MPRIP: variants seen among roughly 807,000 people sequenced by gnomAD.
MPRIP encodes myosin phosphatase Rho-interacting protein.
In MPRIP, 59 loss-of-function variants were observed where a neutral mutation model predicts 234.9. The ratio of observed to expected loss-of-function variants is 0.25; its 90% CI spans 0.20 to 0.31. The LOEUF (loss-of-function observed/expected upper bound fraction) is 0.31. MPRIP is among the 10% of genes least tolerant of loss of function. The probability of loss-of-function intolerance (pLI) is 1.00; values close to 1 mark genes in which losing one functional copy is unlikely to be tolerated. For missense variants in MPRIP, 2,436 were observed against 3,071.0 expected, an observed-to-expected ratio of 0.79 and a Z score of 4.89; for synonymous variants, 1,144 against 1,263.9, an observed-to-expected ratio of 0.91 and a Z score of 2.01.
intron 3 of MPRIP, among the ~76,000 whole-genome samples, chr17:17,125,337 C>T (rs112009164): frequency 2.0e-5 from 3 of 152,236 alleles, no homozygotes; most frequent in African/African-American, 7.2e-5. Context: ...GTGCCACCTC[C>T]CTTCTGAGCT....
intron 1 of MPRIP, among the ~76,000 whole-genome samples, chr17:17,049,905 G>A (rs1294125912): frequency 6.6e-6 from 1 of 152,224 alleles, no homozygotes; most frequent in African/African-American, 2.4e-5. Context: ...AGTAAAAAGA[G>A]GGGCCGGGTG....
Position 17,166,709 on chromosome 17 carries a change from C to T in MPRIP, c.5118C>T (p.Cys1706=). Residue 1706 remains cysteine, a synonymous_variant, in exon 16 of 24, where the codon TGC becomes TGT. Transcript: ENST00000651222. The surrounding 1 kb of genome is among the most constrained non-coding windows in gnomAD (Gnocchi z 4.4). ...AGACGGCCCTGCGGCAGCACAAATGCCTGCTGAGGGAAATCCTGGGAGCCT... is the reference window on the plus strand; with the variant it reads ...AGACGGCCCTGCGGCAGCACAAATGTCTGCTGAGGGAAATCCTGGGAGCCT... ...GTQTALRQHK[C]LLREILGAYQ... The T allele has an allele frequency of 7.7e-7, 1 of 1,304,098 alleles. No homozygotes were observed. The highest frequency in any genetic ancestry group is 1.0e-6 in the Non-Finnish European group (1 of 988,950). 80.8% of individuals were successfully genotyped at this position (1,304,098 alleles called of 1,614,324 possible).
At chr17:17,097,824 A>C (rs1192976711) in intron 3 of MPRIP, among the ~76,000 whole-genome samples, 1 of 152,116 alleles carries the variant, frequency 6.6e-6, no homozygotes, top group Non-Finnish European at 1.5e-5. Context: ...TCCTACCCCC[A>C]GATTTGTCTG....
At chr17:17,172,912 C>G in intron 18 of MPRIP, 97 bp downstream of exon 18, 3 of 1,148,804 alleles carry the variant, frequency 2.6e-6, no homozygotes, top group Non-Finnish European at 3.8e-6. Context: ...GCAGAGGCCT[C>G]CAGAAGTGGG....
chr17:17,121,921 T>C (rs1377105181), intron 3 of MPRIP, among the ~76,000 whole-genome samples: 3 of 152,344 alleles, frequency 2.0e-5, no homozygotes, highest in Non-Finnish European at 4.4e-5. Context: ...TGTGTGGTTT[T>C]CTGTTCCTGT....
intron 9 of MPRIP, among the ~76,000 whole-genome samples, 196 bp downstream of exon 9, chr17:17,143,865 A>G: frequency 6.6e-6 from 1 of 152,196 alleles, no homozygotes; most frequent in South Asian, 2.1e-4. Flanking sequence ...TGGTCCCAGC[A>G]GAACCAAGGG....
At chr17:17,047,507 A>G (rs942660079) in intron 1 of MPRIP, among the ~76,000 whole-genome samples, 15 of 152,288 alleles carry the variant, frequency 9.8e-5, no homozygotes, top group African/African-American at 2.6e-4. Context: ...TTAATCTATC[A>G]GACTTGTTTT....
chr17:17,110,513 G>A (rs970506041), intron 3 of MPRIP, among the ~76,000 whole-genome samples: 13 of 152,138 alleles, frequency 8.5e-5, no homozygotes, highest in African/African-American at 2.7e-4. Flanking sequence ...TAAGGAGATG[G>A]CCATAGCTCC....
rs146893620 is a variant in MPRIP, at chr17:17,143,700, C to T, written c.1503+31C>T. 4.7e-3 allele frequency: 6,876 copies of T among 1,449,200 alleles called. 25 individuals are homozygous for T. Among genetic ancestry groups the T allele is most frequent in the Non-Finnish European group, 6.1e-3 (6,357 of 1,048,598 alleles). The allele number at this position is 1,449,200 out of a possible 1,614,324, so 89.8% of individuals were successfully genotyped here. On this transcript the variant is annotated intron_variant, in intron 9 of 23. Coordinates refer to ENST00000651222, the MANE Select transcript of MPRIP (RefSeq NM_001364716.4). ...CCCAGGCGCCGCGTCCTCCGGAGGC[C>T]GTGCTCCTCTGCTTCTGGTCACTCT...
intron 14 of MPRIP, 23 bp downstream of exon 14, chr17:17,159,025 C>G: frequency 6.3e-7 from 1 of 1,587,090 alleles, no homozygotes; most frequent in Non-Finnish European, 8.6e-7. Flanking sequence ...GACCAGATCC[C>G]CACCCTGCTC....
intron 3 of MPRIP, among the ~76,000 whole-genome samples, chr17:17,090,754 C>G (rs1207693492): frequency 6.6e-6 from 1 of 152,156 alleles, no homozygotes; most frequent in Non-Finnish European, 1.5e-5. Flanking sequence ...GTAACTTGCC[C>G]AAAATCAGGG....
chr17:17,148,323 G>A (rs921147949), intron 11 of MPRIP, among the ~76,000 whole-genome samples: 2 of 152,182 alleles, frequency 1.3e-5, no homozygotes, highest in South Asian at 4.1e-4. Flanking sequence ...CCTTTCAGGA[G>A]AGCAGTGGTG....
Position 17,146,016 on chromosome 17 carries a change from C to A in MPRIP, c.1504-20C>A. On this transcript the variant is annotated intron_variant, in intron 9 of 23. Transcript: ENST00000651222. ...CTAGAAGAGTTTCCTCTGAGCTGTT[C>A]TTTTTTCTCCCTTTCTCAGCCCGAC... is the stretch of plus-strand genomic sequence containing the variant. The A allele has an allele frequency of 6.2e-7, 1 of 1,613,064 alleles. No homozygotes were observed. The highest frequency in any genetic ancestry group is 8.5e-7 in the Non-Finnish European group (1 of 1,179,326).
Position 17,147,342 on chromosome 17 carries a change from C to T in MPRIP, c.1584C>T (p.Leu528=), listed in dbSNP as rs147271679. The stretch of plus-strand genomic sequence containing the variant: ...AGTGGAAGAAACACTGGTTTGTCCT[C>T]GCCGATCAAAGCCTGAGATACTACA... ...DGQWKKHWFV[L]ADQSLRYYRD... Residue 528 remains leucine (L), a synonymous_variant, in exon 11 of 24, where the codon CTC becomes CTT. Transcript: ENST00000651222. 13 of 1,613,974 alleles carry T rather than the reference C, an allele frequency of 8.1e-6. No individual in the cohort carries two copies. The Admixed American group carries it at 8.3e-5, about 10-fold the overall frequency.
rs1309624899 is a variant in MPRIP, at chr17:17,164,825, G to A, written c.3234G>A (p.Gln1078=). 1 of 1,304,196 alleles carries A rather than the reference G, an allele frequency of 7.7e-7. No homozygotes were observed. The highest frequency in any genetic ancestry group is 1.5e-5 in the African/African-American group (1 of 66,002). 80.8% of individuals were successfully genotyped at this position (1,304,196 alleles called of 1,614,324 possible). Reference sequence around the variant, plus strand: ...GCGCCACTTTCGAGGGCAGTGAGCAGGTGCACCAGCTGGAGGAGCAGCTGG... The same window carrying A: ...GCGCCACTTTCGAGGGCAGTGAGCAAGTGCACCAGCTGGAGGAGCAGCTGG... ...KLSATFEGSE[Q]VHQLEEQLEA... Residue 1078 remains glutamine, a synonymous_variant, in exon 16 of 24, where the codon CAG becomes CAA. Transcript: ENST00000651222.
At chr17:17,121,558 T>C (rs2090389324) in intron 3 of MPRIP, among the ~76,000 whole-genome samples, 1 of 152,362 alleles carries the variant, frequency 6.6e-6, no homozygotes, top group South Asian at 2.1e-4. Context: ...TGAGCACCAT[T>C]GTGCCCTGCG....
At position 17,164,566 on chromosome 17, in the gene MPRIP, G is replaced by T; in HGVS notation, c.2975G>T (p.Arg992Met). Residue 992 changes from arginine (R) to methionine (M), a missense_variant, in exon 16 of 24, where the codon AGG becomes ATG. Transcript: ENST00000651222. ...CGGGACCGGCAGAAGGAGGTCCAGA[G>T]GCTGCAGGAGCGCATTGCCGACCTC... ...LQRDRQKEVQRLQERIADLSQ... is the reference protein window; with the variant it reads ...LQRDRQKEVQMLQERIADLSQ... 8.3e-7 allele frequency: 1 copy of T among 1,210,304 alleles called. No individual in the cohort carries two copies. The highest frequency in any genetic ancestry group is 1.1e-6 in the Non-Finnish European group (1 of 946,832). 75.0% of individuals were successfully genotyped at this position (1,210,304 alleles called of 1,614,324 possible). A position where few individuals can be genotyped will look rare whatever the true frequency, so the allele number is the denominator to read the frequency against.
Position 17,174,071 on chromosome 17 carries a change from A to G in MPRIP, c.6746A>G (p.Asn2249Ser). 2 of 1,613,064 alleles carry G rather than the reference A, an allele frequency of 1.2e-6. No individual in the cohort carries two copies. Among genetic ancestry groups the G allele is most frequent in the Non-Finnish European group, 1.7e-6 (2 of 1,179,786 alleles). The change falls in exon 19 of 24, where the codon AAC (asparagine) becomes AGC (serine). Residue 2249 changes from asparagine to serine, a missense_variant. Physicochemically the swap from Asn to Ser is conservative, Grantham distance 46. This residue lies in a region of MPRIP where 1,998 missense variants were observed against 2,520.3 expected (regional missense o/e 0.79). Coordinates refer to ENST00000651222, the MANE Select transcript of MPRIP (RefSeq NM_001364716.4). ...GAGAACCAGGAGCTCAATGCCCACA[A>G]CCAGGTGAGCCTGCAGCCAGGTGAG... The part of the protein sequence containing the change: ...QRENQELNAH[N>S]QELNNRLAAE...
chr17:17,177,395 C>T lies in MPRIP; in HGVS notation c.7103C>T (p.Ala2368Val). The T allele has an allele frequency of 6.2e-7, 1 of 1,613,598 alleles. No individual in the cohort carries two copies. The highest frequency in any genetic ancestry group is 8.5e-7 in the Non-Finnish European group (1 of 1,179,948). ...CTGGGGGAGAAGTCCCCTGACAGTG[C>T]CACGGTGTCCGGATATGGTGCGTCC... ...EALGEKSPDS[A>V]TVSGYDIMKS... is the part of the protein sequence containing the mutation. The change falls in exon 22 of 24, where the codon GCC (alanine) becomes GTC (valine). Residue 2368 changes from alanine to valine, a missense_variant. Coordinates refer to ENST00000651222, the MANE Select transcript of MPRIP (RefSeq NM_001364716.4).
Sources: gnomAD v4.1 joint callset for allele counts (sites outside exome capture counted in the v4.1 genomes callset) on GRCh38, gnomAD v4.1.1 for gene constraint, gnomAD v4.1.1 regional missense constraint, Gnocchi (gnomAD v3.1) non-coding constraint, MANE v1.5 for transcripts, NCBI Gene and HGNC (gene_info 2026-07-23, HGNC 2026-07-21) for gene names.